The following CSMD1 variants were observed in gnomAD, a reference collection of about 807,000 sequenced individuals.
CSMD1 encodes the protein CUB and Sushi multiple domains 1, also known as CUB and sushi domain-containing protein 1.
A neutral mutation model predicts 417.5 loss-of-function variants in CSMD1; 213 were observed. The observed-to-expected ratio is 0.51, with a 90% CI of 0.46 to 0.57. CSMD1 has a LOEUF of 0.57. Ranked by LOEUF, CSMD1 falls within the 20% of genes least tolerant of loss-of-function variation. The probability of loss-of-function intolerance (pLI) is 0.00; values close to 1 mark genes in which losing one functional copy is unlikely to be tolerated. For synonymous variants in CSMD1, 2,862 were observed against 1,736.8 expected (o/e 1.65, Z -16.11); for missense variants, 6,923 against 4,529.7 (o/e 1.53, Z -15.17).
chr8:3,379,614 C>G (rs576908666), intron 18 of CSMD1, among the ~76,000 whole-genome samples: 2 of 152,176 alleles, frequency 1.3e-5, no homozygotes, highest in Non-Finnish European at 2.9e-5. Flanking sequence ...ACCAACTGAC[C>G]TTTGACAAAT....
intron 42 of CSMD1, among the ~76,000 whole-genome samples, chr8:3,115,386 G>C (rs538871964): frequency 1.3e-5 from 2 of 152,190 alleles, no homozygotes; most frequent in Non-Finnish European, 2.9e-5. Context: ...ATTTTTAGTA[G>C]AGTTGGGGTT....
intron 1 of CSMD1, among the ~76,000 whole-genome samples, chr8:4,913,385 C>A (rs1805833806): frequency 6.6e-6 from 1 of 152,110 alleles, no homozygotes. Flanking sequence ...ATTGCTTTTT[C>A]TTGATTGTTT....
chr8:3,101,267 C>A (rs1157390100), intron 46 of CSMD1, among the ~76,000 whole-genome samples: 1 of 152,172 alleles, frequency 6.6e-6, no homozygotes, highest in Non-Finnish European at 1.5e-5. Flanking sequence ...CAACGCCACA[C>A]CCTCCTTTGT....
intron 5 of CSMD1, among the ~76,000 whole-genome samples, chr8:3,926,108 C>CACACACACACACACACAAACACCAA (rs1563218371): frequency 1.3e-5 from 1 of 79,180 alleles, no homozygotes. Flanking sequence ...CACACACACA[C>CACACACACACACACACAAACACCAA]ACACACACAC....
intron 3 of CSMD1, among the ~76,000 whole-genome samples, chr8:4,094,387 G>C (rs150110203): frequency 1.5e-3 from 228 of 152,278 alleles, no homozygotes; most frequent in Non-Finnish European, 2.4e-3. Flanking sequence ...GTCATATTTA[G>C]TTTTGAGAAC....
chr8:2,995,413 T>C (rs779302792), intron 54 of CSMD1, among the ~76,000 whole-genome samples: 2 of 152,172 alleles, frequency 1.3e-5, no homozygotes, highest in Non-Finnish European at 2.9e-5. Flanking sequence ...GGACAGGATG[T>C]AGAGAAACTT....
chr8:3,709,229 C>G (rs79941056), intron 6 of CSMD1, among the ~76,000 whole-genome samples: 1 of 149,170 alleles, frequency 6.7e-6, no homozygotes, highest in African/African-American at 2.5e-5. Context: ...ATGTTATGAT[C>G]TTCTAAGCTA....
At chr8:3,377,027 G>A (rs909314766) in intron 18 of CSMD1, among the ~76,000 whole-genome samples, 3 of 152,120 alleles carry the variant, frequency 2.0e-5, no homozygotes, top group African/African-American at 7.2e-5. Flanking sequence ...TTTCTTTGTG[G>A]AGACAGAGTC....
chr8:4,484,672 T>G (rs1377006887), intron 2 of CSMD1, among the ~76,000 whole-genome samples: 1 of 151,214 alleles, frequency 6.6e-6, no homozygotes, highest in Non-Finnish European at 1.5e-5. Flanking sequence ...TGGGAAGATA[T>G]TGAAAGAGGA....
intron 3 of CSMD1, among the ~76,000 whole-genome samples, chr8:4,222,706 C>A (rs118041485): frequency 1.3e-5 from 2 of 152,116 alleles, no homozygotes; most frequent in East Asian, 3.9e-4. Context: ...CTATCTGGTT[C>A]GCTTCTGTAG....
chr8:3,592,660 G>A (rs550161403), intron 8 of CSMD1, among the ~76,000 whole-genome samples: 7 of 128,760 alleles, frequency 5.4e-5, no homozygotes, highest in East Asian at 4.1e-4. Context: ...GTGTGTTTAC[G>A]TGTGTGTGCA....
At chr8:4,910,438 G>T (rs1000049453) in intron 1 of CSMD1, among the ~76,000 whole-genome samples, 1 of 152,144 alleles carries the variant, frequency 6.6e-6, no homozygotes, top group Non-Finnish European at 1.5e-5. Flanking sequence ...AGAAGTCCAG[G>T]ATCAAGTTAT....
chr8:3,240,235 T>C (rs1269314696), intron 26 of CSMD1, among the ~76,000 whole-genome samples: 5 of 151,970 alleles, frequency 3.3e-5, no homozygotes, highest in Non-Finnish European at 7.4e-5. Flanking sequence ...AAGGTTGGGA[T>C]GAGACAGGGA....
intron 2 of CSMD1, among the ~76,000 whole-genome samples, chr8:4,436,724 TTTAA>T (rs1436909671): frequency 6.6e-6 from 1 of 152,112 alleles, no homozygotes; most frequent in African/African-American, 2.4e-5. Flanking sequence ...TGTCCATGAG[TTTAA>T]TTGTTTTGAT....
chr8:3,097,625 G>C (rs916354906), intron 46 of CSMD1, among the ~76,000 whole-genome samples: 1 of 152,146 alleles, frequency 6.6e-6, no homozygotes, highest in Non-Finnish European at 1.5e-5. Context: ...CGGGGATGAT[G>C]ACAGATTTCA....
At chr8:3,082,980 G>C (rs757034015) in intron 49 of CSMD1, among the ~76,000 whole-genome samples, 2 of 152,194 alleles carry the variant, frequency 1.3e-5, no homozygotes, top group African/African-American at 4.8e-5. Flanking sequence ...TGGCGAAGAC[G>C]TGGTGATGTG....
chr8:4,877,165 G>A (rs1316270315), intron 1 of CSMD1, among the ~76,000 whole-genome samples: 1 of 151,884 alleles, frequency 6.6e-6, no homozygotes. Context: ...TACACTTGAA[G>A]ATGTGTCTTT....
chr8:4,803,344 T>C (rs1344456897), intron 1 of CSMD1, among the ~76,000 whole-genome samples: 1 of 152,132 alleles, frequency 6.6e-6, no homozygotes, highest in Non-Finnish European at 1.5e-5. Flanking sequence ...CTTCGAAATA[T>C]AAAAAGGGTT....
chr8:3,838,953 T>C (rs1211758055), intron 5 of CSMD1, among the ~76,000 whole-genome samples: 2 of 106,342 alleles, frequency 1.9e-5, no homozygotes, highest in Non-Finnish European at 3.5e-5. Flanking sequence ...AAAATTAATA[T>C]CTATAAATTA....
Sources: gnomAD v4.1 joint callset for allele counts (sites outside exome capture counted in the v4.1 genomes callset) on GRCh38, gnomAD v4.1.1 for gene constraint, MANE v1.5 for transcripts, NCBI Gene and HGNC (gene_info 2026-07-23, HGNC 2026-07-21) for gene names.